Variants in ACSL1 observed in about 807,000 individuals in gnomAD.
The protein encoded by ACSL1 is long-chain-fatty-acid--CoA ligase 1.
A neutral mutation model predicts 98.4 loss-of-function variants in ACSL1; 41 were observed. The ratio of observed to expected loss-of-function variants is 0.42; its 90% CI spans 0.32 to 0.54. The LOEUF (loss-of-function observed/expected upper bound fraction) is 0.54. Among genes scored for constraint, ACSL1 ranks in the 20% least tolerant of loss-of-function variants. ACSL1 has a pLI of 0.13. For synonymous variants in ACSL1, 316 were observed against 322.7 expected (o/e 0.98, Z 0.22); for missense variants, 734 against 883.1 (o/e 0.83, Z 2.14).
At chr4:184,826,104 C>CGGCCCCGCCCTCCCGA (rs1773475342), upstream of ACSL1, 1 of 146,838 alleles carries the variant, frequency 6.8e-6, no homozygotes, top group Admixed American at 6.8e-5. Context: ...CGCCCTCCCG[C>CGGCCCCGCCCTCCCGA]GGCCCCGCCC....
At chr4:184,805,047 A>C (rs1322800572) in intron 1 of ACSL1, among the ~76,000 whole-genome samples, 1 of 152,176 alleles carries the variant, frequency 6.6e-6, no homozygotes, top group Non-Finnish European at 1.5e-5. Context: ...CAAAGAACCC[A>C]AACAAATTTA....
At chr4:184,823,082 A>G (rs1021165151) in intron 1 of ACSL1, among the ~76,000 whole-genome samples, 10 of 152,206 alleles carry the variant, frequency 6.6e-5, no homozygotes, top group Admixed American at 6.5e-4. Context: ...CTGGCCACTG[A>G]GAATTCTTCT....
chr4:184,813,877 T>G (rs1314286550), intron 1 of ACSL1: 1 of 455,962 alleles, frequency 2.2e-6, no homozygotes, highest in Non-Finnish European at 4.4e-6. Flanking sequence ...GAGAGGAAGC[T>G]CCACTTGTTT....
At chr4:184,820,275 C>T (rs548874991) in intron 1 of ACSL1, among the ~76,000 whole-genome samples, 1 of 152,360 alleles carries the variant, frequency 6.6e-6, no homozygotes, top group East Asian at 1.9e-4. Context: ...CCTCGGCCTC[C>T]CAAAGTGCTG....
Position 184,825,079 on chromosome 4 carries a change from G to C in ACSL1, c.-33+837C>G. ...AGTCTTAGCCAGGGCACTAGAGAAC[G>C]CTTTTAGAATGGTCACTCTTAATTA... is the stretch of plus-strand genomic sequence containing the variant. On this transcript the variant is annotated intron_variant, in intron 1 of 20. Transcript: ENST00000281455. This position sits in a 1 kb window ranked among gnomAD's most constrained non-coding sequence, Gnocchi z 4.7. 2.8e-6 allele frequency: 2 copies of C among 722,966 alleles called. No individual in the cohort carries two copies. The highest frequency in any genetic ancestry group is 3.4e-6 in the Non-Finnish European group (2 of 590,200). 44.8% of individuals were successfully genotyped at this position (722,966 alleles called of 1,614,324 possible).
At chr4:184,793,209 AAAAG>A (rs1768720401) in intron 2 of ACSL1, among the ~76,000 whole-genome samples, 1 of 152,032 alleles carries the variant, frequency 6.6e-6, no homozygotes, top group Non-Finnish European at 1.5e-5. Flanking sequence ...AAAAAAAAAA[AAAAG>A]ATAGTGAGTC....
At chr4:184,764,248 A>C (rs1290436940) in intron 15 of ACSL1, among the ~76,000 whole-genome samples, 1 of 152,210 alleles carries the variant, frequency 6.6e-6, no homozygotes, top group Admixed American at 6.5e-5. Context: ...GCAACAATCT[A>C]TAATTTCCTC....
At chr4:184,779,509 G>C (rs1765875409) in intron 5 of ACSL1, among the ~76,000 whole-genome samples, 2 of 152,168 alleles carry the variant, frequency 1.3e-5, no homozygotes. Flanking sequence ...CAGAAACCGT[G>C]CTGGGCTTAG....
In ACSL1 at chr4:184,825,403, T is replaced by A; in HGVS notation, c.-33+513A>T. 1 of 266,376 alleles carries A rather than the reference T, an allele frequency of 3.8e-6. No individual in the cohort carries two copies. The highest frequency in any genetic ancestry group is 5.8e-6 in the Non-Finnish European group (1 of 172,962). 16.5% of individuals were successfully genotyped at this position (266,376 alleles called of 1,614,324 possible). A position where few individuals can be genotyped will look rare whatever the true frequency, so the allele number is the denominator to read the frequency against. On this transcript the variant is annotated intron_variant, in intron 1 of 20. Transcript: ENST00000281455. The surrounding 1 kb of genome is among the most constrained non-coding windows in gnomAD (Gnocchi z 4.7). ...GCGGCCTCTGAGCTGCCTGTGGGCC[T>A]CGTGCCGCCGCGCTGCGTGGGGCCG...
At chr4:184,822,617 T>C (rs906773029) in intron 1 of ACSL1, among the ~76,000 whole-genome samples, 2 of 152,056 alleles carry the variant, frequency 1.3e-5, no homozygotes, top group African/African-American at 4.8e-5. Context: ...TGTGCGCCTG[T>C]AGTCTAAGCT....
At chr4:184,770,227 G>T in intron 11 of ACSL1, 172 bp downstream of exon 11, 1 of 1,530,966 alleles carries the variant, frequency 6.5e-7, no homozygotes. Flanking sequence ...ATTCTCTATA[G>T]GGATGACAGT....
At position 184,756,112 on chromosome 4, in the gene ACSL1, A is replaced by G. The variant is rs1762099846; in HGVS notation, c.*1013T>C. On this transcript the variant is annotated 3_prime_UTR_variant, in exon 21 of 21. Transcript: ENST00000281455. ...GTACTCAAGTATATACTCCCTTAATAGCTTTAAAGAAATGCTTGCCTGAGA... is the reference window on the plus strand; with the variant it reads ...GTACTCAAGTATATACTCCCTTAATGGCTTTAAAGAAATGCTTGCCTGAGA... 6.6e-6 allele frequency: 1 copy of G among 152,348 alleles called. No homozygotes were observed. The highest frequency in any genetic ancestry group is 2.1e-4 in the South Asian group (1 of 4,834). 9.4% of individuals were successfully genotyped at this position (152,348 alleles called of 1,614,324 possible). A position where few individuals can be genotyped will look rare whatever the true frequency, so the allele number is the denominator to read the frequency against.
rs745947671 is a variant in ACSL1 at position 184,776,499 on chromosome 4, G to C, written c.741C>G (p.Ser247Arg). Residue 247 changes from serine (S) to arginine (R), a missense_variant, in exon 7 of 21, where the codon AGC (serine) becomes AGG (arginine). By Grantham distance (110) the Ser-to-Arg change is moderately radical. Coordinates refer to ENST00000281455, the MANE Select transcript of ACSL1 (RefSeq NM_001995.5). ...GGGCACTCACCTCCATCGCCTTCAT[G>C]CTGGTGACTTCCACCCCACACCTCT... ...RGQRCGVEVT[S>R]MKAMEDLGRA... 7 of 1,612,906 alleles carry C rather than the reference G, an allele frequency of 4.3e-6. No individual in the cohort carries two copies. The highest frequency in any genetic ancestry group is 2.5e-6 in the Non-Finnish European group (3 of 1,179,582).
intron 15 of ACSL1, among the ~76,000 whole-genome samples, chr4:184,764,342 CT>C (rs1260978174): frequency 6.6e-6 from 1 of 152,236 alleles, no homozygotes; most frequent in Non-Finnish European, 1.5e-5. Flanking sequence ...ATCACAGAGG[CT>C]TACCCATGAC....
chr4:184,777,249 A>C (rs1036445369), intron 5 of ACSL1, among the ~76,000 whole-genome samples: 13 of 152,222 alleles, frequency 8.5e-5, no homozygotes, highest in Non-Finnish European at 1.5e-4. Flanking sequence ...TGGGGGAATC[A>C]GTTGAGCCCA....
rs1442053653 is a variant in ACSL1, at chr4:184,757,527, T to C, written c.1956+108A>G. On this transcript the variant is annotated intron_variant, in intron 20 of 20. Coordinates refer to ENST00000281455, the MANE Select transcript of ACSL1 (RefSeq NM_001995.5). The surrounding 1 kb of genome is among the most constrained non-coding windows in gnomAD (Gnocchi z 4.5). ...GTCAAACTACTCCATTATTTATTCC[T>C]CATGTATGTCTTTAGGTCACCCCAT... 1 of 1,075,390 alleles carries C rather than the reference T, an allele frequency of 9.3e-7. No individual in the cohort carries two copies. Among genetic ancestry groups the C allele is most frequent in the Non-Finnish European group, 1.4e-6 (1 of 735,566 alleles). The allele number at this position is 1,075,390 out of a possible 1,614,324, so 66.6% of individuals were successfully genotyped here.
At chr4:184,770,730 A>T (rs1764377864) in intron 10 of ACSL1, among the ~76,000 whole-genome samples, 1 of 152,048 alleles carries the variant, frequency 6.6e-6, no homozygotes, top group African/African-American at 2.4e-5. Context: ...AAAAAAAAAG[A>T]CTCCGAGTAA....
intron 2 of ACSL1, among the ~76,000 whole-genome samples, chr4:184,790,884 G>C (rs1441841793): frequency 6.6e-6 from 1 of 152,176 alleles, no homozygotes; most frequent in African/African-American, 2.4e-5. Flanking sequence ...TGGCTTTGTA[G>C]TGAATATCAG....
intron 2 of ACSL1, among the ~76,000 whole-genome samples, chr4:184,802,193 G>T (rs1467766548): frequency 6.6e-6 from 1 of 152,136 alleles, no homozygotes; most frequent in African/African-American, 2.4e-5. Flanking sequence ...TTATATTTTG[G>T]CATGAATTAG....
Sources: allele counts gnomAD v4.1 joint callset (sites outside exome capture counted in the v4.1 genomes callset), GRCh38; gene constraint gnomAD v4.1.1; non-coding constraint Gnocchi (gnomAD v3.1); transcripts MANE v1.5; gene names NCBI Gene and HGNC (gene_info 2026-07-23, HGNC 2026-07-21).